PPEF1: variants seen among roughly 807,000 people sequenced by gnomAD.
PPEF1 encodes serine/threonine-protein phosphatase with EF-hands 1.
Under a neutral mutation model 53.3 loss-of-function variants are expected in PPEF1, and 12 were observed. The ratio of observed to expected loss-of-function variants is 0.23; its 90% CI spans 0.14 to 0.36. PPEF1 has a LOEUF of 0.36. Among genes scored for constraint, PPEF1 ranks in the 10% least tolerant of loss-of-function variants. PPEF1 has a pLI of 1.00. For missense variants in PPEF1, 334 were observed against 490.4 expected, an observed-to-expected ratio of 0.68 and a Z score of 3.01; for synonymous variants, 165 against 176.7, an observed-to-expected ratio of 0.93 and a Z score of 0.52.
chrX:18,690,358 G>GTTT (rs67423941), intron 3 of PPEF1, among the ~76,000 whole-genome samples: 4 of 71,261 alleles, frequency 5.6e-5, no homozygotes, highest in Admixed American at 1.6e-4. Context: ...TCTAGGACTT[G>GTTT]TTTTTTTTTT....
At chrX:18,751,045 GT>G (rs1320364140) in intron 4 of PPEF1, among the ~76,000 whole-genome samples, 2 of 111,300 alleles carry the variant, frequency 1.8e-5, no homozygotes, top group Admixed American at 9.6e-5. Context: ...TTATTATTGA[GT>G]TATAAGAGTT....
chrX:18,823,862 G>C lies in PPEF1; in HGVS notation c.1502-61G>C, dbSNP rs181592211. On this transcript the variant is annotated intron_variant, in intron 13 of 15. Transcript: ENST00000470157. ...ATGCTGCCCTGGCTCTCCCAAGGAG[G>C]TTGCATTCTTTAAAATCATATTTTA... 84 of 1,145,667 alleles carry C rather than the reference G, an allele frequency of 7.3e-5. No individual in the cohort carries two copies. In the East Asian group the frequency reaches 1.7e-3, roughly 23 times the overall value. The allele number at this position is 1,145,667 out of a possible 1,213,427, so 94.4% of individuals were successfully genotyped here.
At chrX:18,700,804 TCTTC>T (rs1327266210) in intron 6 of PPEF1, among the ~76,000 whole-genome samples, 1 of 112,210 alleles carries the variant, frequency 8.9e-6, no homozygotes, top group Non-Finnish European at 1.9e-5. Flanking sequence ...TATTTAGAAA[TCTTC>T]CTTTAGTTCC....
At chrX:18,812,943 T>C (rs1443600476) in intron 12 of PPEF1, among the ~76,000 whole-genome samples, 1 of 110,881 alleles carries the variant, frequency 9.0e-6, no homozygotes, top group Non-Finnish European at 1.9e-5. Context: ...CGCACTATGT[T>C]GCCTAGGCTG....
chrX:18,810,197 T>A (rs1486150049), intron 12 of PPEF1, among the ~76,000 whole-genome samples: 1 of 109,599 alleles, frequency 9.1e-6, no homozygotes, highest in Admixed American at 9.9e-5. Context: ...AAAATTTTAA[T>A]AGCTACTTCA....
intron 1 of PPEF1, 136 bp from the exon 2 acceptor site, chrX:18,730,045 A>T: frequency 1.7e-6 from 1 of 584,358 alleles, no homozygotes; most frequent in Non-Finnish European, 2.5e-6. Flanking sequence ...AGTCAATCTC[A>T]TTGTTTGGTG....
chrX:18,705,204 A>G (rs1248594409), upstream of PPEF1, among the ~76,000 whole-genome samples: 1 of 111,456 alleles, frequency 9.0e-6, no homozygotes, highest in Non-Finnish European at 1.9e-5. Flanking sequence ...AAAATTCTCC[A>G]GGATGTCTCA....
chrX:18,695,646 A>G (rs1480955640), intron 4 of PPEF1, among the ~76,000 whole-genome samples: 1 of 112,428 alleles, frequency 8.9e-6, no homozygotes, highest in Non-Finnish European at 1.9e-5. Flanking sequence ...TTTTGATTTG[A>G]TTTATGAACA....
intron 1 of PPEF1, among the ~76,000 whole-genome samples, chrX:18,715,006 T>A (rs185267014): frequency 2.6e-4 from 29 of 111,883 alleles, no homozygotes; most frequent in African/African-American, 9.4e-4. Flanking sequence ...ATCACGGCAG[T>A]TTGAGAAAGC....
chrX:18,695,530 A>G (rs774039051), intron 4 of PPEF1, among the ~76,000 whole-genome samples: 9 of 112,100 alleles, frequency 8.0e-5, no homozygotes, highest in Non-Finnish European at 1.5e-4. Flanking sequence ...TAGCTGTTTC[A>G]TGGATTCTGT....
At chrX:18,738,940 C>G (rs1422184121) in intron 3 of PPEF1, among the ~76,000 whole-genome samples, 2 of 112,240 alleles carry the variant, frequency 1.8e-5, no homozygotes, top group African/African-American at 6.5e-5. Flanking sequence ...CTTGTGCATG[C>G]GTCATGTAAT....
rs775547310 is a variant in PPEF1, at chrX:18,676,726, C to G, written c.-587+596C>G. ...GGAACTGGCCCTAAAGTTACACCCACTGGTTGTGTTTTGGATGGTGTCTCT... is the reference window on the plus strand; with the variant it reads ...GGAACTGGCCCTAAAGTTACACCCAGTGGTTGTGTTTTGGATGGTGTCTCT... On this transcript the variant is annotated intron_variant, in intron 1 of 20. Coordinates refer to the PPEF1 transcript ENST00000689646. Among the ~76,000 whole-genome samples, 3 of 112,225 alleles carry G rather than the reference C, an allele frequency of 2.7e-5. No individual in the cohort carries two copies. The East Asian group carries it at 8.5e-4, about 32-fold the overall frequency.
intron 9 of PPEF1, among the ~76,000 whole-genome samples, chrX:18,785,696 A>G (rs1318142445): frequency 9.0e-6 from 1 of 111,205 alleles, no homozygotes. Context: ...CAGTCTGGTC[A>G]ACATAGCAAG....
intron 9 of PPEF1, 123 bp from the exon 10 acceptor site, chrX:18,788,998 T>C (rs2046275062): frequency 1.2e-6 from 1 of 849,322 alleles, no homozygotes; most frequent in Admixed American, 2.9e-5. Flanking sequence ...ATGCAAAAAG[T>C]GACCGTGTGT....
intron 1 of PPEF1, among the ~76,000 whole-genome samples, chrX:18,721,221 T>TA (rs1318855728): frequency 4.7e-4 from 52 of 111,783 alleles, no homozygotes; most frequent in Admixed American, 1.2e-3. Context: ...TTTAGGCAGT[T>TA]AAAAAAACTA....
chrX:18,820,175 TAAA>T (rs1219408844), intron 13 of PPEF1, among the ~76,000 whole-genome samples: 1 of 111,624 alleles, frequency 9.0e-6, no homozygotes, highest in African/African-American at 3.3e-5. Flanking sequence ...TTACTAGAAA[TAAA>T]AAAGGACATT....
intron 10 of PPEF1, among the ~76,000 whole-genome samples, chrX:18,795,478 C>T (rs765508050): frequency 1.9e-4 from 21 of 112,081 alleles, no homozygotes; most frequent in Non-Finnish European, 3.9e-4. Flanking sequence ...TTTGTGACAG[C>T]GTGCATATCC....
intron 13 of PPEF1, among the ~76,000 whole-genome samples, chrX:18,818,853 A>C (rs997224367): frequency 8.9e-6 from 1 of 112,139 alleles, no homozygotes; most frequent in African/African-American, 3.2e-5. Flanking sequence ...ATGGAGCAAC[A>C]AGAAAGCACA....
intron 3 of PPEF1, among the ~76,000 whole-genome samples, chrX:18,746,074 G>C (rs1419529122): frequency 2.7e-5 from 3 of 111,565 alleles, no homozygotes; most frequent in Non-Finnish European, 5.6e-5. Flanking sequence ...GGGTATTTTT[G>C]AGGTATTTTC....
Sources: gnomAD v4.1 joint callset for allele counts (sites outside exome capture counted in the v4.1 genomes callset) on GRCh38, gnomAD v4.1.1 for gene constraint, MANE v1.5 for transcripts, NCBI Gene and HGNC (gene_info 2026-07-23, HGNC 2026-07-21) for gene names.